Variants in LONP2 observed in about 807,000 individuals in gnomAD.
LONP2 encodes lon peptidase 2, peroxisomal.
A neutral mutation model predicts 85.6 loss-of-function variants in LONP2; 60 were observed. The observed-to-expected ratio is 0.70, with a 90% confidence interval of 0.57 to 0.87. The LOEUF (loss-of-function observed/expected upper bound fraction) is 0.87, where lower values mean the gene tolerates loss of function less well. Ranked by LOEUF, LONP2 falls within the 40% of genes least tolerant of loss-of-function variation. The probability of loss-of-function intolerance (pLI) is 0.00; values close to 1 mark genes in which losing one functional copy is unlikely to be tolerated. For synonymous variants in LONP2, 395 were observed against 389.7 expected (o/e 1.01, Z -0.16); for missense variants, 860 against 1,063.5 (o/e 0.81, Z 2.66).
At chr16:48,337,188 A>G (rs1047691914) in intron 12 of LONP2, among the ~76,000 whole-genome samples, 11 of 152,248 alleles carry the variant, frequency 7.2e-5, no homozygotes, top group Non-Finnish European at 1.6e-4. Context: ...TTCCAAGTCC[A>G]TTATTCTTTC....
downstream of LONP2, among the ~76,000 whole-genome samples, chr16:48,360,106 A>C (rs1018437970): frequency 6.6e-6 from 1 of 152,246 alleles, no homozygotes; most frequent in Non-Finnish European, 1.5e-5. Flanking sequence ...TATCTACCAT[A>C]ATTTAACCCC....
chr16:48,244,377 A>G lies in LONP2; in HGVS notation c.-12A>G, dbSNP rs1245487661. ...CTCTTTTTGACAGCCCCCAGTGCGA[A>G]AGGCTGCCAGCATGTCATCAGTGAG... On this transcript the variant is annotated 5_prime_UTR_variant, in exon 1 of 15. Coordinates refer to ENST00000285737, the MANE Select transcript of LONP2 (RefSeq NM_031490.5). The G allele has an allele frequency of 2.0e-6, 3 of 1,527,236 alleles. No individual in the cohort carries two copies. The highest frequency in any genetic ancestry group is 2.6e-6 in the Non-Finnish European group (3 of 1,139,854). 94.6% of individuals were successfully genotyped at this position (1,527,236 alleles called of 1,614,324 possible). A position where few individuals can be genotyped will look rare whatever the true frequency, so the allele number is the denominator to read the frequency against.
intron 4 of LONP2, among the ~76,000 whole-genome samples, chr16:48,259,172 T>C (rs1479744070): frequency 6.6e-6 from 1 of 152,246 alleles, no homozygotes; most frequent in Non-Finnish European, 1.5e-5. Flanking sequence ...AAACTCTTGA[T>C]CTTTTTTTGT....
At chr16:48,300,349 T>TA (rs1477969177) in intron 10 of LONP2, among the ~76,000 whole-genome samples, 3 of 152,260 alleles carry the variant, frequency 2.0e-5, no homozygotes, top group African/African-American at 4.8e-5. Context: ...TACCAAATGC[T>TA]TAAGCCTGTA....
chr16:48,272,034 A>C (rs1972116244), intron 7 of LONP2, among the ~76,000 whole-genome samples: 1 of 152,168 alleles, frequency 6.6e-6, no homozygotes, highest in South Asian at 2.1e-4. Context: ...TGCTATGTGA[A>C]ATTGACATCA....
intron 11 of LONP2, among the ~76,000 whole-genome samples, chr16:48,326,376 T>G (rs1448470004): frequency 1.3e-5 from 2 of 152,190 alleles, no homozygotes; most frequent in Non-Finnish European, 2.9e-5. Flanking sequence ...TTTGTGAAAA[T>G]GAACACTTCT....
At chr16:48,339,616 G>T (rs371640079) in intron 12 of LONP2, among the ~76,000 whole-genome samples, 3 of 152,320 alleles carry the variant, frequency 2.0e-5, no homozygotes, top group African/African-American at 7.2e-5. Flanking sequence ...GACTGATGTT[G>T]CAGGACAGAG....
chr16:48,275,112 C>G (rs1972179472), intron 7 of LONP2, among the ~76,000 whole-genome samples: 1 of 152,140 alleles, frequency 6.6e-6, no homozygotes, highest in African/African-American at 2.4e-5. Flanking sequence ...CTTTAAGTAG[C>G]TGTTGCTAAT....
At position 48,244,313 on chromosome 16, in the gene LONP2, G is replaced by T; in HGVS notation, c.-76G>T. On this transcript the variant is annotated 5_prime_UTR_variant, in exon 1 of 15. Coordinates refer to ENST00000285737, the MANE Select transcript of LONP2 (RefSeq NM_031490.5). ...AGGCGTGGAGGCGGGTCTGAGGTTT[G>T]GTGACTGCGGGGCAGGCCGGGGGCA... 2.7e-6 allele frequency: 3 copies of T among 1,130,378 alleles called. No individual in the cohort carries two copies. The highest frequency in any genetic ancestry group is 3.6e-6 in the Non-Finnish European group (3 of 832,034). The allele number at this position is 1,130,378 out of a possible 1,614,324, so 70.0% of individuals were successfully genotyped here.
At chr16:48,287,474 T>G (rs1308789871) in intron 8 of LONP2, among the ~76,000 whole-genome samples, 1 of 152,248 alleles carries the variant, frequency 6.6e-6, no homozygotes, top group Non-Finnish European at 1.5e-5. Flanking sequence ...TTTTGGCAAA[T>G]GTCCTAAGGA....
chr16:48,264,020 G>A (rs1002405924), intron 6 of LONP2, among the ~76,000 whole-genome samples: 1 of 152,156 alleles, frequency 6.6e-6, no homozygotes, highest in African/African-American at 2.4e-5. Context: ...TGTGCGAATA[G>A]GTGTGGGTGA....
intron 6 of LONP2, among the ~76,000 whole-genome samples, chr16:48,264,455 C>T (rs868179866): frequency 6.6e-6 from 1 of 152,238 alleles, no homozygotes; most frequent in Non-Finnish European, 1.5e-5. Flanking sequence ...CCCGGCTCAC[C>T]AGCGGTCAGA....
chr16:48,345,317 T>C lies in LONP2; in HGVS notation c.1939-2190T>C, dbSNP rs528646687. 20 of 152,364 alleles carry C rather than the reference T, an allele frequency of 1.3e-4. No homozygotes were observed. The East Asian group carries it at 3.1e-3, about 23-fold the overall frequency. 9.4% of individuals were successfully genotyped at this position (152,364 alleles called of 1,614,324 possible). ...CAAATGAATTGTGAGGATTCAAATATAAGAAAGGGATTATTCTTGGTAGAG... is the reference window on the plus strand; with the variant it reads ...CAAATGAATTGTGAGGATTCAAATACAAGAAAGGGATTATTCTTGGTAGAG... On this transcript the variant is annotated intron_variant, in intron 12 of 14. Coordinates refer to ENST00000285737, the MANE Select transcript of LONP2 (RefSeq NM_031490.5).
chr16:48,289,999 ACATTCT>A (rs1200953047), intron 8 of LONP2, among the ~76,000 whole-genome samples: 1 of 152,188 alleles, frequency 6.6e-6, no homozygotes, highest in African/African-American at 2.4e-5. Flanking sequence ...TATTCTAATG[ACATTCT>A]CATTTTTATT....
At chr16:48,322,733 AT>A (rs112153697) in intron 11 of LONP2, among the ~76,000 whole-genome samples, 61 of 152,172 alleles carry the variant, frequency 4.0e-4, no homozygotes, top group African/African-American at 9.9e-4. Context: ...AGAATAAAAA[AT>A]TTTTTTTAAA....
At chr16:48,274,608 T>C (rs74016381) in intron 7 of LONP2, among the ~76,000 whole-genome samples, 2,079 of 152,010 alleles carry the variant, frequency 0.014, 48 homozygotes, top group African/African-American at 0.047. Flanking sequence ...CATTAGGATC[T>C]TTTTTAAACT....
chr16:48,253,555 T>G (rs1472015441), intron 2 of LONP2, among the ~76,000 whole-genome samples: 1 of 152,100 alleles, frequency 6.6e-6, no homozygotes, highest in Non-Finnish European at 1.5e-5. Flanking sequence ...GAAATTTCAG[T>G]TTGAAAACTG....
intron 14 of LONP2, among the ~76,000 whole-genome samples, chr16:48,350,977 T>C (rs547736738): frequency 1.5e-3 from 221 of 152,316 alleles, no homozygotes; most frequent in African/African-American, 5.0e-3. Flanking sequence ...TCTCGTTTTT[T>C]GTGACTCAGC....
At chr16:48,249,173 C>T (rs1971556302) in intron 1 of LONP2, among the ~76,000 whole-genome samples, 2 of 152,090 alleles carry the variant, frequency 1.3e-5, no homozygotes, top group African/African-American at 4.8e-5. Flanking sequence ...TATCTTAAAA[C>T]CTCTGAGGGT....
Sources: gnomAD v4.1 joint callset for allele counts (sites outside exome capture counted in the v4.1 genomes callset) on GRCh38, gnomAD v4.1.1 for gene constraint, MANE v1.5 for transcripts, NCBI Gene and HGNC (gene_info 2026-07-23, HGNC 2026-07-21) for gene names.